Variants in GPC5 observed in about 807,000 individuals in gnomAD.
The protein encoded by GPC5 is glypican-5.
In GPC5, 47 loss-of-function variants were observed where a neutral mutation model predicts 53.9. The ratio of observed to expected loss-of-function variants is 0.87; its 90% confidence interval spans 0.69 to 1.11. The LOEUF is 1.11. Ranked by LOEUF, GPC5 falls within the 50% of genes most tolerant of loss-of-function variation. GPC5 has a pLI of 0.00. For synonymous variants in GPC5, 286 were observed against 263.3 expected, an observed-to-expected ratio of 1.09 and a Z score of -0.84; for missense variants, 748 against 713.1, an observed-to-expected ratio of 1.05 and a Z score of -0.56.
At chr13:91,842,084 G>A (rs1402658034) in intron 5 of GPC5, among the ~76,000 whole-genome samples, 1 of 151,924 alleles carries the variant, frequency 6.6e-6, no homozygotes, top group Non-Finnish European at 1.5e-5. Flanking sequence ...TCCATGCCAT[G>A]CAACTCTTAA....
intron 7 of GPC5, among the ~76,000 whole-genome samples, chr13:92,580,636 T>C (rs527357412): frequency 6.7e-4 from 102 of 152,246 alleles, no homozygotes; most frequent in Middle Eastern, 3.4e-3. Flanking sequence ...CTTTTTCTAA[T>C]GGTGGAAGGC....
chr13:92,008,059 ATT>A (rs33911884), intron 6 of GPC5, among the ~76,000 whole-genome samples: 15 of 127,172 alleles, frequency 1.2e-4, no homozygotes, highest in African/African-American at 2.9e-4. Flanking sequence ...AATGAGAATA[ATT>A]TTTTTTTTTT....
At chr13:91,781,157 T>A (rs1331363721) in intron 5 of GPC5, among the ~76,000 whole-genome samples, 1 of 152,210 alleles carries the variant, frequency 6.6e-6, no homozygotes, top group Admixed American at 6.5e-5. Context: ...AAGGTTTCAT[T>A]CCCATAGTCA....
At chr13:92,122,993 ACTATT>A (rs1486693376) in intron 6 of GPC5, among the ~76,000 whole-genome samples, 1 of 152,178 alleles carries the variant, frequency 6.6e-6, no homozygotes, top group African/African-American at 2.4e-5. Flanking sequence ...GCAGAAAATA[ACTATT>A]CTTTGATACT....
intron 1 of GPC5, among the ~76,000 whole-genome samples, chr13:91,440,151 A>G (rs921465075): frequency 1.3e-5 from 2 of 152,224 alleles, no homozygotes; most frequent in Admixed American, 6.5e-5. Context: ...AAAAATTTAC[A>G]GTAATTTTTT....
chr13:92,575,075 T>C (rs558303457), intron 7 of GPC5, among the ~76,000 whole-genome samples: 1 of 152,316 alleles, frequency 6.6e-6, no homozygotes, highest in Admixed American at 6.5e-5. Context: ...TTCCATCTTC[T>C]CTACTCCTTC....
chr13:92,159,945 C>G (rs9560944), intron 7 of GPC5, among the ~76,000 whole-genome samples: 5,854 of 151,664 alleles, frequency 0.039, 249 homozygotes, highest in African/African-American at 0.099. Context: ...CCCTGTCACC[C>G]AGGCTGGAGT....
chr13:91,997,790 G>A (rs2040517725), intron 6 of GPC5, among the ~76,000 whole-genome samples: 1 of 152,134 alleles, frequency 6.6e-6, no homozygotes, highest in Non-Finnish European at 1.5e-5. Context: ...AAAGTGCTGG[G>A]ATTACAGGCG....
intron 5 of GPC5, among the ~76,000 whole-genome samples, chr13:91,852,277 A>AAACACAC (rs145442639): frequency 0.19 from 29,008 of 151,694 alleles, 3,019 homozygotes; most frequent in East Asian, 0.31. Context: ...ACTAAGACTC[A>AAACACAC]AACACACACA....
At chr13:91,689,001 A>T (rs973663906) in intron 2 of GPC5, among the ~76,000 whole-genome samples, 2 of 151,182 alleles carry the variant, frequency 1.3e-5, no homozygotes, top group Non-Finnish European at 2.9e-5. Flanking sequence ...TCAACAAAAA[A>T]ATAATAAAAA....
intron 5 of GPC5, among the ~76,000 whole-genome samples, chr13:91,806,955 T>TTAA (rs1161875053): frequency 5.9e-5 from 9 of 152,228 alleles, no homozygotes; most frequent in Non-Finnish European, 1.3e-4. Context: ...GGGAATATTC[T>TTAA]TAATAGAGTT....
intron 5 of GPC5, among the ~76,000 whole-genome samples, chr13:91,854,389 A>G (rs1427159662): frequency 6.6e-6 from 1 of 151,826 alleles, no homozygotes; most frequent in Non-Finnish European, 1.5e-5. Flanking sequence ...TTTGTGTTAC[A>G]AACAATCCAA....
In GPC5 at chr13:92,840,557, T is replaced by G. The variant is rs567938896; in HGVS notation, c.1562-25725T>G. On this transcript the variant is annotated intron_variant, in intron 7 of 7. Transcript: ENST00000377067. ...CATGTAAGCCCTTTAATTGTTTTCA[T>G]TTTCAAAACTGTTTTGGCTACTTTG... Among the ~76,000 whole-genome samples the G allele has an allele frequency of 2.6e-5, 4 of 152,248 alleles. 1 individual carries two copies. The highest frequency in any genetic ancestry group is 9.6e-5 in the African/African-American group (4 of 41,556).
Position 91,399,205 on chromosome 13 carries a change from G to A in GPC5, c.159G>A (p.Arg53=), listed in dbSNP as rs772212885. ...GAVRGLPDSP[R]AGPDLQVCIS... ...TCAGGGGGCTGCCGGATTCGCCGCG[G>A]GCAGGTAAGGGGCAATGAGGGGGTC... The change falls in exon 1 of 8, where the codon CGG becomes CGA. Residue 53 remains arginine (R), a synonymous_variant. Transcript: ENST00000377067. 3 of 1,611,692 alleles carry A rather than the reference G, an allele frequency of 1.9e-6. No individual in the cohort carries two copies. Among genetic ancestry groups the A allele is most frequent in the Admixed American group, 3.3e-5 (2 of 59,910 alleles).
chr13:92,777,512 C>T (rs968162220), intron 7 of GPC5, among the ~76,000 whole-genome samples: 5 of 151,792 alleles, frequency 3.3e-5, no homozygotes, highest in African/African-American at 9.7e-5. Context: ...CCTGTATTCC[C>T]AGCTACTTGG....
chr13:92,836,671 G>C (rs1878230154), intron 7 of GPC5, among the ~76,000 whole-genome samples: 1 of 152,036 alleles, frequency 6.6e-6, no homozygotes, highest in Non-Finnish European at 1.5e-5. Flanking sequence ...TTATTAAAGA[G>C]ATTTAAGAGT....
Position 92,762,312 on chromosome 13 carries a change from C to T in GPC5, c.1562-103970C>T, listed in dbSNP as rs147515978. On this transcript the variant is annotated intron_variant, in intron 7 of 7. Transcript: ENST00000377067. Reference sequence around the variant, plus strand: ...GAGGGCCTAGAGTTTTTTTATGTGACGGAAGTTACGTTATCAGTGTAAAGT... The same window carrying T: ...GAGGGCCTAGAGTTTTTTTATGTGATGGAAGTTACGTTATCAGTGTAAAGT... Among the ~76,000 whole-genome samples, 139 of 151,778 alleles carry T rather than the reference C, an allele frequency of 9.2e-4. 3 individuals carry two copies. The East Asian group carries it at 0.021, about 23-fold the overall frequency.
intron 7 of GPC5, among the ~76,000 whole-genome samples, chr13:92,339,049 TA>T (rs1007679933): frequency 6.6e-6 from 1 of 151,832 alleles, no homozygotes; most frequent in African/African-American, 2.4e-5. Flanking sequence ...AAACTATTCT[TA>T]AAAAAATAAG....
intron 7 of GPC5, among the ~76,000 whole-genome samples, chr13:92,267,191 A>G (rs543453370): frequency 3.7e-4 from 56 of 152,080 alleles, no homozygotes; most frequent in Admixed American, 6.6e-4. Context: ...TTTTAATATA[A>G]TGTTTCCTCC....
Sources: allele counts gnomAD v4.1 joint callset (sites outside exome capture counted in the v4.1 genomes callset), GRCh38; gene constraint gnomAD v4.1.1; transcripts MANE v1.5; gene names NCBI Gene and HGNC (gene_info 2026-07-23, HGNC 2026-07-21).